Variants in MORN5 observed in about 807,000 individuals in gnomAD.
MORN5 encodes the protein MORN repeat containing 5, also known as MORN repeat-containing protein 5.
MORN5 carries 21 observed loss-of-function variants against 22.1 expected under a neutral mutation model. That is an observed-to-expected ratio of 0.95 (90% CI 0.67 to 1.37). The LOEUF (loss-of-function observed/expected upper bound fraction) is 1.37. MORN5 is among the 40% of genes most tolerant of loss of function. The pLI, the probability that MORN5 is intolerant of heterozygous loss-of-function variation, is 0.00. For synonymous variants in MORN5, 73 were observed against 74.0 expected (o/e 0.99, Z 0.07); for missense variants, 211 against 215.1 (o/e 0.98, Z 0.12).
intron 4 of MORN5, among the ~76,000 whole-genome samples, chr9:122,188,109 G>T (rs149441957): frequency 6.6e-6 from 1 of 152,342 alleles, no homozygotes; most frequent in East Asian, 1.9e-4. Context: ...AGGCATTCAA[G>T]GCAGAGGGAC....
intron 4 of MORN5, among the ~76,000 whole-genome samples, chr9:122,192,153 A>T (rs905174836): frequency 1.3e-5 from 2 of 152,166 alleles, no homozygotes; most frequent in Non-Finnish European, 2.9e-5. Context: ...TCAGCATCGG[A>T]TCCAGGCTTG....
rs771229966 is a variant in MORN5 at position 122,199,920 on chromosome 9, C to T, written c.475C>T (p.Arg159Ter). The T allele has an allele frequency of 3.4e-5, 55 of 1,613,824 alleles. 1 individual carries two copies. Among genetic ancestry groups the T allele is most frequent in the Non-Finnish European group, 4.2e-5 (50 of 1,179,908 alleles). The change falls in exon 5 of 5, where the codon CGA becomes TGA. Residue 159 changes from arginine (R) to a stop codon, truncating the protein, a stop_gained. Transcript: ENST00000373764. LOFTEE classifies it high-confidence loss of function. ...DEHEWITRTC[R>*]KG is the part of the protein sequence containing the mutation. ...GCATGAGTGGATCACCCGTACCTGT[C>T]GAAAGGGCTAGGATGAGATCGTGGG... is the stretch of plus-strand genomic sequence containing the variant.
chr9:122,169,650 A>G lies in MORN5; in HGVS notation c.201A>G (p.Thr67=). The G allele has an allele frequency of 1.2e-6, 2 of 1,612,724 alleles. No individual in the cohort carries two copies. The highest frequency in any genetic ancestry group is 1.7e-6 in the Non-Finnish European group (2 of 1,178,698). The change falls in exon 3 of 5, where the codon ACA becomes ACG. Residue 67 remains threonine, a synonymous_variant. Coordinates refer to ENST00000373764, the MANE Select transcript of MORN5 (RefSeq NM_198469.4). ...GTGTGCTCCTTGTCTTCCAGGGCACATATACGTTCTCAGATGGGCTGCACT... is the reference window on the plus strand; with the variant it reads ...GTGTGCTCCTTGTCTTCCAGGGCACGTATACGTTCTCAGATGGGCTGCACT... The part of the protein sequence containing the change: ...IWENGLAIKG[T]YTFSDGLHYD...
At chr9:122,199,622 C>G (rs1475571400) in intron 4 of MORN5, among the ~76,000 whole-genome samples, 1 of 152,166 alleles carries the variant, frequency 6.6e-6, no homozygotes, top group Non-Finnish European at 1.5e-5. Flanking sequence ...CAGGATGAGT[C>G]CAGCTTAGGG....
chr9:122,199,842 C>T (rs1190353581), intron 4 of MORN5, 43 bp from the exon 5 acceptor site: 2 of 1,610,572 alleles, frequency 1.2e-6, no homozygotes, highest in Non-Finnish European at 1.7e-6. Context: ...GGAAAGGTCC[C>T]AGCGAGCACC....
intron 4 of MORN5, among the ~76,000 whole-genome samples, chr9:122,186,393 T>C (rs910729868): frequency 6.6e-6 from 1 of 152,160 alleles, no homozygotes; most frequent in East Asian, 1.9e-4. Flanking sequence ...TTCTGAACCA[T>C]GAACCTGTCT....
intron 1 of MORN5, among the ~76,000 whole-genome samples, chr9:122,163,843 AGTAAAT>A (rs555813590): frequency 3.9e-5 from 6 of 152,234 alleles, no homozygotes; most frequent in Non-Finnish European, 8.8e-5. Context: ...GTAGAGACTC[AGTAAAT>A]GTTGGCTGAA....
At chr9:122,167,514 G>A (rs1003067311) in intron 2 of MORN5, among the ~76,000 whole-genome samples, 44 of 151,852 alleles carry the variant, frequency 2.9e-4, no homozygotes, top group African/African-American at 1.0e-3. Flanking sequence ...CACCATGCCC[G>A]GCTAATTTCT....
intron 3 of MORN5, among the ~76,000 whole-genome samples, chr9:122,171,205 C>G (rs1386524459): frequency 6.6e-6 from 1 of 152,184 alleles, no homozygotes; most frequent in East Asian, 1.9e-4. Context: ...CTGCACAAGT[C>G]AACCTCCGTC....
chr9:122,164,067 G>A (rs1223829236), intron 1 of MORN5, among the ~76,000 whole-genome samples: 2 of 152,172 alleles, frequency 1.3e-5, no homozygotes, highest in Admixed American at 6.5e-5. Flanking sequence ...AGGTATTTGA[G>A]ATCTGGTAAT....
intron 3 of MORN5, among the ~76,000 whole-genome samples, chr9:122,173,060 T>G (rs1327076183): frequency 1.3e-5 from 2 of 152,178 alleles, no homozygotes; most frequent in Non-Finnish European, 2.9e-5. Context: ...GCCCTCAGCC[T>G]TAAGCCTTAG....
chr9:122,165,345 G>A (rs979229242), intron 1 of MORN5, among the ~76,000 whole-genome samples: 19 of 134,916 alleles, frequency 1.4e-4, no homozygotes, highest in Non-Finnish European at 1.5e-4. Flanking sequence ...GATCATTTGA[G>A]CCCAGAAGTT....
In MORN5 at chr9:122,166,644, A is replaced by G; in HGVS notation, c.48-124A>G. The G allele has an allele frequency of 3.4e-6, 3 of 890,966 alleles. No individual in the cohort carries two copies. In the South Asian group the frequency reaches 6.3e-5, roughly 19 times the overall value. The allele number at this position is 890,966 out of a possible 1,614,324, so 55.2% of individuals were successfully genotyped here. A position where few individuals can be genotyped will look rare whatever the true frequency, so the allele number is the denominator to read the frequency against. ...ACAAAACAAAAATTTTGTTTTCAGC[A>G]GAGTACTGCTGGGATGAGAAGGATG... is the stretch of plus-strand genomic sequence containing the variant. On this transcript the variant is annotated intron_variant, in intron 1 of 4. Coordinates refer to ENST00000373764, the MANE Select transcript of MORN5 (RefSeq NM_198469.4).
Position 122,196,623 on chromosome 9 carries a change from G to A in MORN5, c.440-3262G>A, listed in dbSNP as rs533513956. Among the ~76,000 whole-genome samples the A allele has an allele frequency of 1.9e-4, 29 of 152,248 alleles. 1 individual carries two copies. The South Asian group carries it at 3.3e-3, about 17-fold the overall frequency. On this transcript the variant is annotated intron_variant, in intron 4 of 4. Coordinates refer to ENST00000373764, the MANE Select transcript of MORN5 (RefSeq NM_198469.4). The stretch of plus-strand genomic sequence containing the variant: ...TGGGATTACAGGCGTAAGCCACCGC[G>A]CCCGGCAAAAGCCAATAATTATTTT...
chr9:122,195,943 T>A (rs1480035752), intron 4 of MORN5, among the ~76,000 whole-genome samples: 1 of 141,978 alleles, frequency 7.0e-6, no homozygotes, highest in Non-Finnish European at 1.5e-5. Context: ...TGTTGGTATT[T>A]CTAGGAACCT....
intron 4 of MORN5, among the ~76,000 whole-genome samples, chr9:122,188,831 C>T (rs1034326650): frequency 6.6e-6 from 1 of 152,248 alleles, no homozygotes; most frequent in African/African-American, 2.4e-5. Flanking sequence ...GAGGACACTG[C>T]ATCAGTCCTC....
chr9:122,187,061 C>T (rs1829652450), intron 4 of MORN5, among the ~76,000 whole-genome samples: 1 of 152,210 alleles, frequency 6.6e-6, no homozygotes, highest in Admixed American at 6.5e-5. Context: ...AGAAATAGAC[C>T]CCCCTTCCAG....
rs1041204728 is a variant in MORN5, at chr9:122,169,701, C to T, written c.252C>T (p.Cys84=). The T allele has an allele frequency of 1.4e-5, 23 of 1,613,952 alleles. No individual in the cohort carries two copies. Among genetic ancestry groups the T allele is most frequent in the African/African-American group, 4.0e-5 (3 of 74,910 alleles). Residue 84 remains cysteine, a synonymous_variant, in exon 3 of 5, where the codon TGC becomes TGT. Transcript: ENST00000373764. ...LHYDEKNWHY[C]DGYDRRFYTE... The stretch of plus-strand genomic sequence containing the variant: ...ATGATGAGAAAAACTGGCATTACTG[C>T]GACGGCTATGATCGGAGGTTTTACA...
chr9:122,184,984 G>A (rs146695790), intron 4 of MORN5, among the ~76,000 whole-genome samples: 34 of 152,348 alleles, frequency 2.2e-4, no homozygotes, highest in African/African-American at 7.9e-4. Flanking sequence ...AAGAGTGTAA[G>A]GTTGCAGATG....
Sources: gnomAD v4.1 joint callset for allele counts (sites outside exome capture counted in the v4.1 genomes callset) on GRCh38, gnomAD v4.1.1 for gene constraint, MANE v1.5 for transcripts, NCBI Gene and HGNC (gene_info 2026-07-23, HGNC 2026-07-21) for gene names.